The following ZNF514 variants were observed in gnomAD, a reference collection of about 807,000 sequenced individuals.
The protein encoded by ZNF514 is zinc finger protein 514.
A neutral mutation model predicts 9.7 loss-of-function variants in ZNF514; 12 were observed. The observed-to-expected ratio is 1.24, with a 90% confidence interval of 0.79 to 2.01. The LOEUF (loss-of-function observed/expected upper bound fraction) is 2.01, where lower values mean the gene tolerates loss of function less well. ZNF514 is among the 30% of genes most tolerant of loss of function. The pLI is 0.00. For missense variants in ZNF514, 467 were observed against 465.5 expected (o/e 1.00, Z -0.03); for synonymous variants, 158 against 163.7 (o/e 0.97, Z 0.27).
chr2:95,153,491 A>C, intron 2 of ZNF514: 2 of 361,966 alleles, frequency 5.5e-6, no homozygotes, highest in Non-Finnish European at 9.8e-6. Flanking sequence ...TCAAATACAC[A>C]AGGATCAACA....
chr2:95,144,994 G>A (rs1268779796), downstream of ZNF514, among the ~76,000 whole-genome samples: 1 of 152,122 alleles, frequency 6.6e-6, no homozygotes, highest in Non-Finnish European at 1.5e-5. Context: ...ACTACAGTAA[G>A]CAATATTACA....
the ZNF514 span, among the ~76,000 whole-genome samples, chr2:95,126,969 C>T: frequency 6.6e-6 from 1 of 152,122 alleles, no homozygotes; most frequent in African/African-American, 2.4e-5. Flanking sequence ...TGACCTAAAA[C>T]TCCACCAATC....
At chr2:95,134,013 T>C in the ZNF514 span, among the ~76,000 whole-genome samples, 1 of 152,196 alleles carries the variant, frequency 6.6e-6, no homozygotes, top group Admixed American at 6.5e-5. Flanking sequence ...TACAGTTATT[T>C]CCAAATAAAA....
At chr2:95,127,461 A>G in the ZNF514 span, among the ~76,000 whole-genome samples, 1 of 152,144 alleles carries the variant, frequency 6.6e-6, no homozygotes, top group Non-Finnish European at 1.5e-5. Context: ...TGTTTGTTCT[A>G]CTGTCTATAT....
At chr2:95,144,142 G>C (rs2104457053), downstream of ZNF514, among the ~76,000 whole-genome samples, 1 of 152,318 alleles carries the variant, frequency 6.6e-6, no homozygotes, top group Non-Finnish European at 1.5e-5. Context: ...CAGACACTCA[G>C]CTGGACTGGC....
At chr2:95,142,319 C>G (rs1345651420), downstream of ZNF514, among the ~76,000 whole-genome samples, 12 of 152,072 alleles carry the variant, frequency 7.9e-5, no homozygotes, top group Admixed American at 2.6e-4. Flanking sequence ...TTAAATAAAC[C>G]CAGCTGTGGT....
At chr2:95,153,405 C>G (rs951354381) in intron 2 of ZNF514, 146 bp from the exon 3 acceptor site, 2 of 723,934 alleles carry the variant, frequency 2.8e-6, no homozygotes, top group African/African-American at 3.5e-5. Flanking sequence ...CCTCATTTGT[C>G]AAAAGGTTTT....
downstream of ZNF514, among the ~76,000 whole-genome samples, chr2:95,144,177 G>C (rs552322834): frequency 6.6e-6 from 1 of 152,192 alleles, no homozygotes; most frequent in African/African-American, 2.4e-5. Flanking sequence ...GTGTGTCAGT[G>C]TACTTTATTC....
intron 2 of ZNF514, among the ~76,000 whole-genome samples, chr2:95,156,991 A>G (rs1246433539): frequency 6.6e-6 from 1 of 152,010 alleles, no homozygotes; most frequent in Admixed American, 6.5e-5. Context: ...GTGCCACTCC[A>G]TTTGGCATCA....
At chr2:95,139,345 A>G in the ZNF514 span, among the ~76,000 whole-genome samples, 1 of 152,210 alleles carries the variant, frequency 6.6e-6, no homozygotes, top group Non-Finnish European at 1.5e-5. Flanking sequence ...AGCAGCTTGC[A>G]ATCTCAGCAT....
In ZNF514 at chr2:95,159,524, GC is replaced by G. The variant is rs1673789902; in HGVS notation, c.-381del. 1 of 152,852 alleles carries G rather than the reference GC, an allele frequency of 6.5e-6. No homozygotes were observed. The highest frequency in any genetic ancestry group is 1.5e-5 in the Non-Finnish European group (1 of 68,266). The allele number at this position is 152,852 out of a possible 1,614,324, so 9.5% of individuals were successfully genotyped here. On this transcript the variant is annotated 5_prime_UTR_variant, in exon 1 of 5. Transcript: ENST00000295208. ...AGGGACACACCCAGCTCTGTAAGGGGCCGGGGCGCGGGCCCAGTACAGGTCT... is the reference window on the plus strand; with the variant it reads ...AGGGACACACCCAGCTCTGTAAGGGGCGGGGCGCGGGCCCAGTACAGGTCT...
chr2:95,137,047 T>G, the ZNF514 span, among the ~76,000 whole-genome samples: 1 of 152,220 alleles, frequency 6.6e-6, no homozygotes, highest in African/African-American at 2.4e-5. Context: ...AAAGAACTTA[T>G]ATTAGGTAGA....
chr2:95,138,457 T>C, the ZNF514 span, among the ~76,000 whole-genome samples: 1 of 152,194 alleles, frequency 6.6e-6, no homozygotes, highest in Admixed American at 6.5e-5. Context: ...AGGTCACCCA[T>C]TATGCCTTAG....
chr2:95,159,272 T>C lies in ZNF514; in HGVS notation c.-128A>G, dbSNP rs1673774147. 4.2e-5 allele frequency: 7 copies of C among 165,108 alleles called. No homozygotes were observed. Among genetic ancestry groups the C allele is most frequent in the Non-Finnish European group, 6.6e-5 (5 of 76,196 alleles). The allele number at this position is 165,108 out of a possible 1,614,324, so 10.2% of individuals were successfully genotyped here. On this transcript the variant is annotated 5_prime_UTR_variant, in exon 1 of 5. Coordinates refer to ENST00000295208, the MANE Select transcript of ZNF514 (RefSeq NM_032788.3). ...TCGGCTCCTCCTCAGGACCAGGCTC[T>C]GGAACCCAGCTCCCACGTGGATCCA... is the stretch of plus-strand genomic sequence containing the variant.
rs1673806911 is a variant in ZNF514, at chr2:95,159,710, G to A, written c.-566C>T. On this transcript the variant is annotated 5_prime_UTR_variant, in exon 1 of 5. Transcript: ENST00000295208. ...CCGCGTCCGCCCCGCGCCAGCCCCC[G>A]CGTCCGCCCCGCGCCAGCCCCCGCG... 1 of 125,056 alleles carries A rather than the reference G, an allele frequency of 8.0e-6. No homozygotes were observed. The highest frequency in any genetic ancestry group is 2.2e-4 in the South Asian group (1 of 4,596). The allele number at this position is 125,056 out of a possible 1,614,324, so 7.7% of individuals were successfully genotyped here.
At chr2:95,142,508 G>T (rs1464307223), downstream of ZNF514, among the ~76,000 whole-genome samples, 1 of 152,204 alleles carries the variant, frequency 6.6e-6, no homozygotes, top group African/African-American at 2.4e-5. Context: ...TAAGGCCTTT[G>T]TTCCAATTTT....
At chr2:95,137,342 T>C in the ZNF514 span, among the ~76,000 whole-genome samples, 8 of 152,210 alleles carry the variant, frequency 5.3e-5, no homozygotes, top group Admixed American at 4.6e-4. Flanking sequence ...TAATCCCTAG[T>C]GGTCCCAAAA....
At position 95,149,929 on chromosome 2, in the gene ZNF514, T is replaced by C; in HGVS notation, c.556A>G (p.Arg186Gly). Reference sequence around the variant, plus strand: ...GAGTTGTTTCCCCCTAAAGTCTGCCTGAATTCTGTATCACATTTATAAGAT... The same window carrying C: ...GAGTTGTTTCCCCCTAAAGTCTGCCCGAATTCTGTATCACATTTATAAGAT... ...EGSYKCDTEF[R>G]QTLGGNNSQR... The change falls in exon 5 of 5, where the codon AGG (arginine) becomes GGG (glycine). Residue 186 changes from arginine to glycine, a missense_variant. Physicochemically the swap from Arg to Gly is moderately radical, Grantham distance 125 (BLOSUM62 -2). Transcript: ENST00000295208. 1 of 1,614,250 alleles carries C rather than the reference T, an allele frequency of 6.2e-7. No homozygotes were observed. The highest frequency in any genetic ancestry group is 8.5e-7 in the Non-Finnish European group (1 of 1,180,042).
At chr2:95,138,206 G>C in the ZNF514 span, among the ~76,000 whole-genome samples, 1 of 152,182 alleles carries the variant, frequency 6.6e-6, no homozygotes, top group African/African-American at 2.4e-5. Context: ...TTGGTATCCA[G>C]CAGTGGGACA....
Sources: gnomAD v4.1 joint callset for allele counts (sites outside exome capture counted in the v4.1 genomes callset) on GRCh38, gnomAD v4.1.1 for gene constraint, MANE v1.5 for transcripts, NCBI Gene and HGNC (gene_info 2026-07-23, HGNC 2026-07-21) for gene names.